The following MAMDC2 variants were observed in gnomAD, a reference collection of about 807,000 sequenced individuals.
MAMDC2 encodes MAM domain-containing protein 2.
A neutral mutation model predicts 89.8 loss-of-function variants in MAMDC2; 57 were observed. That is an observed-to-expected ratio of 0.63 (90% CI 0.51 to 0.79). MAMDC2 has a LOEUF of 0.79. MAMDC2 is among the 30% of genes least tolerant of loss of function. The probability of loss-of-function intolerance (pLI) is 0.00; values close to 1 mark genes in which losing one functional copy is unlikely to be tolerated. For missense variants in MAMDC2, 800 were observed against 820.6 expected, an observed-to-expected ratio of 0.97 and a Z score of 0.31; for synonymous variants, 313 against 293.4, an observed-to-expected ratio of 1.07 and a Z score of -0.68.
In MAMDC2 at chr9:70,225,790, A is replaced by G; in HGVS notation, c.1952A>G (p.Asp651Gly). The change falls in exon 13 of 14, where the codon GAT (aspartate) becomes GGT (glycine). Residue 651 changes from aspartate (D) to glycine (G), a missense_variant. Transcript: ENST00000377182. ...ATTCGAGGAGTATCAATAAGAAGTG[A>G]TATTGCCATTGATGATGTTAAATTT... ...EAIRGVSIRS[D>G]IAIDDVKFQA... 6.2e-7 allele frequency: 1 copy of G among 1,610,692 alleles called. No homozygotes were observed. Among genetic ancestry groups the G allele is most frequent in the Non-Finnish European group, 8.5e-7 (1 of 1,177,104 alleles).
intron 11 of MAMDC2, among the ~76,000 whole-genome samples, chr9:70,210,343 G>T (rs953247742): frequency 7.2e-5 from 11 of 152,120 alleles, no homozygotes; most frequent in African/African-American, 2.7e-4. Context: ...TATATATTTA[G>T]GATAGTTAGT....
intron 11 of MAMDC2, among the ~76,000 whole-genome samples, chr9:70,201,104 TGA>T (rs1311384230): frequency 5.8e-5 from 1 of 17,146 alleles, no homozygotes; most frequent in Non-Finnish European, 1.1e-4. Context: ...ATAGGAGTGG[TGA>T]GAGAGGGCAT....
At chr9:70,091,845 A>T (rs1437540648) in intron 2 of MAMDC2, among the ~76,000 whole-genome samples, 1 of 152,202 alleles carries the variant, frequency 6.6e-6, no homozygotes, top group Non-Finnish European at 1.5e-5. Flanking sequence ...CAACTTATTG[A>T]AACCTACTGC....
chr9:70,140,373 T>C (rs2118404410), intron 8 of MAMDC2, 85 bp downstream of exon 8: 4 of 1,403,276 alleles, frequency 2.9e-6, no homozygotes, highest in Non-Finnish European at 3.8e-6. Context: ...TGCAAAGACA[T>C]CGACTTAAAG....
chr9:70,217,241 G>T, intron 11 of MAMDC2: 1 of 877,798 alleles, frequency 1.1e-6, no homozygotes, highest in East Asian at 2.4e-5. Flanking sequence ...ATCTACCCGG[G>T]ACAGGGGAGG....
intron 2 of MAMDC2, chr9:70,063,084 G>C (rs1289412252): frequency 6.6e-6 from 1 of 152,124 alleles, no homozygotes. Context: ...GGTGAACCCC[G>C]TCTGTACTAT....
intron 2 of MAMDC2, chr9:70,088,412 G>A (rs145514104): frequency 1.3e-4 from 20 of 152,138 alleles, no homozygotes; most frequent in African/African-American, 4.6e-4. Context: ...GGGCATAGAG[G>A]TCCAGGTACT....
At position 70,218,352 on chromosome 9, in the gene MAMDC2, T is replaced by C. The variant is rs767641498; in HGVS notation, c.1667T>C (p.Ile556Thr). The stretch of plus-strand genomic sequence containing the variant: ...TCACCTCAAGGCTACTACATGTACA[T>C]TGAGGCCTCCCATATGGTGTATGGA... ...HTTGVGYYMY[I>T]EASHMVYGQK... is the part of the protein sequence containing the mutation. The change falls in exon 12 of 14, where the codon ATT (isoleucine) becomes ACT (threonine). Residue 556 changes from isoleucine (I) to threonine (T), a missense_variant. Physicochemically the swap from Ile to Thr is moderately conservative, Grantham distance 89. Coordinates refer to ENST00000377182, the MANE Select transcript of MAMDC2 (RefSeq NM_153267.5). The C allele has an allele frequency of 2.4e-5, 39 of 1,613,520 alleles. No individual in the cohort carries two copies. In the Middle Eastern group the frequency reaches 5.0e-4, roughly 20 times the overall value.
chr9:70,193,098 G>T (rs2032915212), intron 11 of MAMDC2, among the ~76,000 whole-genome samples: 1 of 152,056 alleles, frequency 6.6e-6, no homozygotes, highest in Admixed American at 6.6e-5. Flanking sequence ...GATAGGCCTA[G>T]GAGAAGGTTT....
chr9:70,049,986 C>A (rs1303545426), intron 2 of MAMDC2, among the ~76,000 whole-genome samples: 2 of 152,154 alleles, frequency 1.3e-5, no homozygotes, highest in Non-Finnish European at 2.9e-5. Context: ...GTTCTTTTTC[C>A]TCCAGCATTG....
intron 9 of MAMDC2, among the ~76,000 whole-genome samples, chr9:70,168,360 C>T (rs367917280): frequency 2.0e-5 from 3 of 152,028 alleles, no homozygotes; most frequent in South Asian, 2.1e-4. Flanking sequence ...GGCATGGTGA[C>T]GGGTGTCCGT....
rs185838137 is a variant in MAMDC2 at position 70,180,712 on chromosome 9, G to T, written c.1651+10081G>T. Among the ~76,000 whole-genome samples, 362 of 152,132 alleles carry T rather than the reference G, an allele frequency of 2.4e-3. 2 individuals carry two copies. The highest frequency in any genetic ancestry group is 8.4e-3 in the African/African-American group (347 of 41,540). ...TTCGGCCACTTTTTGATGGGGGTTG[G>T]TTTTTTCTTGTAAATTTGTTTAAGT... On this transcript the variant is annotated intron_variant, in intron 11 of 13. Coordinates refer to ENST00000377182, the MANE Select transcript of MAMDC2 (RefSeq NM_153267.5).
chr9:70,137,852 T>G (rs748156549), intron 7 of MAMDC2, among the ~76,000 whole-genome samples: 1 of 152,138 alleles, frequency 6.6e-6, no homozygotes, highest in Non-Finnish European at 1.5e-5. Context: ...ATCTGAACAG[T>G]GTGATTTACA....
chr9:70,205,437 T>G (rs2033205043), intron 11 of MAMDC2, among the ~76,000 whole-genome samples: 1 of 152,246 alleles, frequency 6.6e-6, no homozygotes, highest in Non-Finnish European at 1.5e-5. Context: ...TTTCCCCTGA[T>G]TTTTAAGAAT....
rs199645738 is a variant in MAMDC2, at chr9:70,131,610, C to G, written c.992C>G (p.Thr331Arg). 3.4e-5 allele frequency: 55 copies of G among 1,603,088 alleles called. No homozygotes were observed. The highest frequency in any genetic ancestry group is 4.5e-5 in the Non-Finnish European group (53 of 1,174,040). ...SFSPVHCQNQ[T>R]ELLFSAVEAS... The stretch of plus-strand genomic sequence containing the variant: ...TCTCCTGTTCACTGCCAGAATCAGA[C>G]AGGTGAGCATTCTCTATTTGTCATT... Residue 331 changes from threonine (T) to arginine (R), a missense_variant and splice_region_variant, in exon 7 of 14, where the codon ACA becomes AGA. By Grantham distance (71) the Thr-to-Arg change is moderately conservative (BLOSUM62 -1). Transcript: ENST00000377182.
chr9:70,071,870 T>C (rs567303482), intron 2 of MAMDC2: 296 of 152,258 alleles, frequency 1.9e-3, no homozygotes, highest in African/African-American at 6.9e-3. Flanking sequence ...AAAAATGAAA[T>C]TGGCGTTTCT....
chr9:70,139,366 G>A (rs1346562219), intron 7 of MAMDC2, among the ~76,000 whole-genome samples: 10 of 142,740 alleles, frequency 7.0e-5, no homozygotes, highest in African/African-American at 2.6e-4. Flanking sequence ...GTGAGAACAT[G>A]CGGTGTTTGG....
rs1563970731 is a variant in MAMDC2 at position 70,138,205 on chromosome 9, A to G, written c.995-1940A>G. On this transcript the variant is annotated intron_variant, in intron 7 of 13. Coordinates refer to ENST00000377182, the MANE Select transcript of MAMDC2 (RefSeq NM_153267.5). ...GTTTCACCTAAGATAATGACCTCCA[A>G]TTCCAACCATGTTGCTGCAAAAGAC... Among the ~76,000 whole-genome samples, 4 of 152,246 alleles carry G rather than the reference A, an allele frequency of 2.6e-5. No individual in the cohort carries two copies. In the South Asian group the frequency reaches 6.2e-4, roughly 24 times the overall value.
chr9:70,223,084 A>C (rs1441529885), intron 12 of MAMDC2, among the ~76,000 whole-genome samples: 1 of 145,074 alleles, frequency 6.9e-6, no homozygotes, highest in East Asian at 2.2e-4. Flanking sequence ...GGTTGCAGTG[A>C]GCTGATATCG....
Sources: gnomAD v4.1 joint callset for allele counts (sites outside exome capture counted in the v4.1 genomes callset) on GRCh38, gnomAD v4.1.1 for gene constraint, MANE v1.5 for transcripts, NCBI Gene and HGNC (gene_info 2026-07-23, HGNC 2026-07-21) for gene names.